The following PCNX1 variants were observed in gnomAD, a reference collection of about 807,000 sequenced individuals.
The protein encoded by PCNX1 is pecanex 1.
PCNX1 carries 78 observed loss-of-function variants against 242.2 expected under a neutral mutation model. That is an observed-to-expected ratio of 0.32 (90% CI 0.27 to 0.39). The LOEUF is 0.39. PCNX1 is among the 10% of genes least tolerant of loss of function. PCNX1 has a pLI of 1.00. For missense variants in PCNX1, 2,581 were observed against 2,856.5 expected (o/e 0.90, Z 2.20); for synonymous variants, 1,024 against 1,032.9 (o/e 0.99, Z 0.17).
chr14:71,026,059 T>C (rs1201655606), intron 13 of PCNX1, 58 bp from the exon 14 acceptor site: 1 of 1,079,908 alleles, frequency 9.3e-7, no homozygotes, highest in Non-Finnish European at 1.3e-6. Context: ...GTGATACCAG[T>C]AGTTATTTGT....
At chr14:70,957,210 A>T (rs1412340695) in intron 2 of PCNX1, among the ~76,000 whole-genome samples, 1 of 152,050 alleles carries the variant, frequency 6.6e-6, no homozygotes, top group Non-Finnish European at 1.5e-5. Flanking sequence ...TCTGGTCTCG[A>T]ACTCCTGGGC....
chr14:71,003,079 T>TC (rs1442834244), intron 8 of PCNX1, among the ~76,000 whole-genome samples: 4 of 127,748 alleles, frequency 3.1e-5, no homozygotes, highest in African/African-American at 1.3e-4. Flanking sequence ...TTGGTTGTCT[T>TC]CTTTTTTTTT....
At position 71,089,472 on chromosome 14, in the gene PCNX1, G is replaced by A. The variant is rs149893339; in HGVS notation, c.5589+130G>A. ...ACTGGGTAATTTATAAAGGAAAGAGGTTTAATTGACTCACAGTTCCACAGG... is the reference window on the plus strand; with the variant it reads ...ACTGGGTAATTTATAAAGGAAAGAGATTTAATTGACTCACAGTTCCACAGG... On this transcript the variant is annotated intron_variant, in intron 30 of 35. Coordinates refer to ENST00000304743, the MANE Select transcript of PCNX1 (RefSeq NM_014982.3). The A allele has an allele frequency of 1.6e-3, 1,056 of 675,626 alleles. 10 individuals are homozygous for A. In the African/African-American group the frequency reaches 0.017, roughly 11 times the overall value. The allele number at this position is 675,626 out of a possible 1,614,324, so 41.9% of individuals were successfully genotyped here.
In PCNX1 at chr14:71,057,506, T is replaced by G; in HGVS notation, c.4637-3T>G. The stretch of plus-strand genomic sequence containing the variant: ...TAACTTTTTTTAAAATCTCTTTTTA[T>G]AGGATCAGATGACAACAATCTGAAT... On this transcript the variant is annotated splice_polypyrimidine_tract_variant and splice_region_variant and intron_variant, in intron 25 of 35. Transcript: ENST00000304743. 1 of 1,592,326 alleles carries G rather than the reference T, an allele frequency of 6.3e-7. No individual in the cohort carries two copies.
chr14:70,953,776 T>C (rs2057886490), intron 2 of PCNX1, among the ~76,000 whole-genome samples: 1 of 151,618 alleles, frequency 6.6e-6, no homozygotes, highest in Non-Finnish European at 1.5e-5. Flanking sequence ...TTCAAGCTAG[T>C]CTTTTGCCTT....
rs1370859716 is a variant in PCNX1 at position 70,909,080 on chromosome 14, C to A, written c.153+1077C>A. Reference sequence around the variant, plus strand: ...TCTTTGTGGAGCTAGAGACAGGGTGCTGAGTTAGAAAATCCCGGAGGACCA... The same window carrying A: ...TCTTTGTGGAGCTAGAGACAGGGTGATGAGTTAGAAAATCCCGGAGGACCA... On this transcript the variant is annotated intron_variant, in intron 1 of 35. Coordinates refer to ENST00000304743, the MANE Select transcript of PCNX1 (RefSeq NM_014982.3). 2.6e-5 allele frequency among the ~76,000 whole-genome samples: 4 copies of A among 152,106 alleles called. No individual in the cohort carries two copies. In the East Asian group the frequency reaches 7.7e-4, roughly 29 times the overall value.
At chr14:71,009,100 A>G (rs2059750517) in intron 8 of PCNX1, among the ~76,000 whole-genome samples, 1 of 152,242 alleles carries the variant, frequency 6.6e-6, no homozygotes, top group Admixed American at 6.5e-5. Context: ...ACAACAAATA[A>G]TGTTCATTAA....
At chr14:70,912,578 G>A (rs1208660086) in intron 1 of PCNX1, among the ~76,000 whole-genome samples, 1 of 151,130 alleles carries the variant, frequency 6.6e-6, no homozygotes, top group Non-Finnish European at 1.5e-5. Flanking sequence ...TCCTCACTCT[G>A]TCATGTTAGT....
chr14:71,063,696 T>G (rs1014993229), intron 26 of PCNX1, among the ~76,000 whole-genome samples: 1 of 152,206 alleles, frequency 6.6e-6, no homozygotes, highest in Non-Finnish European at 1.5e-5. Context: ...TTATCTACTT[T>G]CCAAGACAGA....
intron 19 of PCNX1, 75 bp downstream of exon 19, chr14:71,036,232 G>A: frequency 1.1e-6 from 1 of 930,086 alleles, no homozygotes; most frequent in South Asian, 1.3e-5. Flanking sequence ...AGGCTGGAGT[G>A]CAGTGTTGCG....
In PCNX1 at chr14:70,995,441, T is replaced by C. The variant is rs147634547; in HGVS notation, c.2445-300T>C. On this transcript the variant is annotated intron_variant, in intron 7 of 35. Coordinates refer to ENST00000304743, the MANE Select transcript of PCNX1 (RefSeq NM_014982.3). ...GAATGTACTTATGATTCTTTTTTGC[T>C]GCTTTCTTTTTCCTCACACTAGAAT... Among the ~76,000 whole-genome samples the C allele has an allele frequency of 3.1e-3, 470 of 152,342 alleles. 5 individuals carry two copies. Among genetic ancestry groups the C allele is most frequent in the African/African-American group, 0.011 (451 of 41,580 alleles).
intron 26 of PCNX1, among the ~76,000 whole-genome samples, chr14:71,068,335 AAT>A (rs2061497867): frequency 6.6e-6 from 1 of 151,336 alleles, no homozygotes. Flanking sequence ...CATCTCAAAA[AAT>A]ATATATATGT....
intron 1 of PCNX1, among the ~76,000 whole-genome samples, chr14:70,928,773 A>G (rs1001839008): frequency 1.3e-5 from 2 of 152,216 alleles, no homozygotes; most frequent in African/African-American, 4.8e-5. Flanking sequence ...CCATCCGGAT[A>G]ATACTGGGAG....
In PCNX1 at chr14:70,978,632, A is replaced by C; in HGVS notation, c.2295A>C (p.Gln765His). 6.2e-7 allele frequency: 1 copy of C among 1,611,994 alleles called. No individual in the cohort carries two copies. Among genetic ancestry groups the C allele is most frequent in the Non-Finnish European group, 8.5e-7 (1 of 1,178,904 alleles). ...NQVAFPEGEE[Q>H]DAVSGAAQAS... is the part of the protein sequence containing the mutation. ...TTGCATTTCCTGAAGGGGAAGAGCA[A>C]GATGCAGTCAGTGGAGGTAAGTAAA... is the stretch of plus-strand genomic sequence containing the variant. The change falls in exon 6 of 36, where the codon CAA becomes CAC. Residue 765 changes from glutamine (Q) to histidine (H), a missense_variant. Physicochemically the swap from Gln to His is conservative, Grantham distance 24 (BLOSUM62 0). Coordinates refer to ENST00000304743, the MANE Select transcript of PCNX1 (RefSeq NM_014982.3).
In PCNX1 at chr14:71,073,806, T is replaced by C; in HGVS notation, c.5106+8T>C. 1 of 1,581,320 alleles carries C rather than the reference T, an allele frequency of 6.3e-7. No individual in the cohort carries two copies. Among genetic ancestry groups the C allele is most frequent in the Non-Finnish European group, 8.6e-7 (1 of 1,159,550 alleles). ...ACCACTTACTATGTCAAGGTAGGAG[T>C]ATGTGCCTACTTAGATCTTTAGATA... is the stretch of plus-strand genomic sequence containing the variant. On this transcript the variant is annotated splice_region_variant and intron_variant, in intron 27 of 35. Coordinates refer to ENST00000304743, the MANE Select transcript of PCNX1 (RefSeq NM_014982.3).
In PCNX1 at chr14:70,947,017, G is replaced by C; in HGVS notation, c.256G>C (p.Asp86His). ...MVNYRLHRALDAGEVVDRTAN... is the reference protein window; with the variant it reads ...MVNYRLHRALHAGEVVDRTAN... ...CAACTATCGACTACACAGAGCACTTGATGCTGGAGAAGTTGTAGATAGGAC... is the reference window on the plus strand; with the variant it reads ...CAACTATCGACTACACAGAGCACTTCATGCTGGAGAAGTTGTAGATAGGAC... Residue 86 changes from aspartate (D) to histidine (H), a missense_variant, in exon 2 of 36, where the codon GAT (aspartate) becomes CAT (histidine). Physicochemically the swap from Asp to His is moderately conservative, Grantham distance 81 (BLOSUM62 -1). Transcript: ENST00000304743. 3 of 1,613,920 alleles carry C rather than the reference G, an allele frequency of 1.9e-6. No homozygotes were observed. The highest frequency in any genetic ancestry group is 2.5e-6 in the Non-Finnish European group (3 of 1,179,882).
intron 26 of PCNX1, among the ~76,000 whole-genome samples, chr14:71,068,338 A>G (rs890112003): frequency 1.3e-5 from 2 of 151,494 alleles, no homozygotes; most frequent in African/African-American, 4.9e-5. Flanking sequence ...CTCAAAAAAT[A>G]TATATATGTG....
At chr14:71,071,036 A>T (rs570346395) in intron 26 of PCNX1, among the ~76,000 whole-genome samples, 1 of 152,322 alleles carries the variant, frequency 6.6e-6, no homozygotes, top group South Asian at 2.1e-4. Context: ...TTCACCTTGC[A>T]GTTTTATGTT....
At chr14:71,064,333 G>A (rs2061395990) in intron 26 of PCNX1, among the ~76,000 whole-genome samples, 1 of 152,082 alleles carries the variant, frequency 6.6e-6, no homozygotes, top group African/African-American at 2.4e-5. Context: ...ATATTGGGTG[G>A]AAATAGTCAT....
Sources: allele counts gnomAD v4.1 joint callset (sites outside exome capture counted in the v4.1 genomes callset), GRCh38; gene constraint gnomAD v4.1.1; transcripts MANE v1.5; gene names NCBI Gene and HGNC (gene_info 2026-07-23, HGNC 2026-07-21).